Variants in FBXL19 observed in about 807,000 individuals in gnomAD.
FBXL19 encodes the protein F-box and leucine rich repeat protein 19.
A neutral mutation model predicts 71.2 loss-of-function variants in FBXL19; 16 were observed. The ratio of observed to expected loss-of-function variants is 0.22; its 90% CI spans 0.15 to 0.34. The LOEUF (loss-of-function observed/expected upper bound fraction) is 0.34. FBXL19 is among the 10% of genes least tolerant of loss of function. The probability of loss-of-function intolerance (pLI) is 1.00; values close to 1 mark genes in which losing one functional copy is unlikely to be tolerated. For synonymous variants in FBXL19, 447 were observed against 409.4 expected (o/e 1.09, Z -1.11); for missense variants, 658 against 968.2 (o/e 0.68, Z 4.25).
chr16:30,935,256 G>A (rs1030191744), intron 7 of FBXL19, among the ~76,000 whole-genome samples: 17 of 152,144 alleles, frequency 1.1e-4, no homozygotes, highest in African/African-American at 3.9e-4. Context: ...GGCACCTGGC[G>A]GACAGTGGGC....
Position 30,946,197 on chromosome 16 carries a change from TTTTA to T in FBXL19, c.1628-513_1628-510del, listed in dbSNP as rs756430489. 2.0e-5 allele frequency among the ~76,000 whole-genome samples: 3 copies of T among 151,916 alleles called. No individual in the cohort carries two copies. The highest frequency in any genetic ancestry group is 2.9e-5 in the Non-Finnish European group (2 of 67,980). On this transcript the variant is annotated intron_variant, in intron 9 of 10. Coordinates refer to ENST00000338343, the MANE Select transcript of FBXL19 (RefSeq NM_001382779.1). The surrounding 1 kb of genome is among the most constrained non-coding windows in gnomAD (Gnocchi z 6.7). ...AGAGAGGAGGGGAGGTCACAGACTC[TTTTA>T]TTTATTTATTTATTTATTTTGAGAT... is the stretch of plus-strand genomic sequence containing the variant.
chr16:30,939,515 G>C (rs556693197), intron 7 of FBXL19, among the ~76,000 whole-genome samples: 2 of 148,950 alleles, frequency 1.3e-5, no homozygotes, highest in Admixed American at 6.7e-5. Flanking sequence ...CCAGATTCAC[G>C]CCATTCTCCT....
chr16:30,936,388 T>TGGTA (rs2055732814), intron 7 of FBXL19, among the ~76,000 whole-genome samples: 1 of 151,786 alleles, frequency 6.6e-6, no homozygotes, highest in Non-Finnish European at 1.5e-5. Context: ...ACCTACCACT[T>TGGTA]GGTAGTTGTG....
chr16:30,941,426 G>A (rs1321633673), intron 7 of FBXL19, among the ~76,000 whole-genome samples: 1 of 152,196 alleles, frequency 6.6e-6, no homozygotes, highest in African/African-American at 2.4e-5. Context: ...GCTGCGGTGA[G>A]CCTGAGTCCA....
At position 30,930,366 on chromosome 16, in the gene FBXL19, A is replaced by G. The variant is rs766443321; in HGVS notation, c.1083A>G (p.Leu361=). Residue 361 remains leucine, a synonymous_variant, in exon 7 of 11, where the codon CTA becomes CTG. Transcript: ENST00000338343. The surrounding 1 kb of genome is among the most constrained non-coding windows in gnomAD (Gnocchi z 8.5). ...TGCGCCCTGGCAGTGGGGGGCCCCTACTCAGCTGGCCCCTGGGCCCAGCCC... is the reference window on the plus strand; with the variant it reads ...TGCGCCCTGGCAGTGGGGGGCCCCTGCTCAGCTGGCCCCTGGGCCCAGCCC... ...RAVRPGSGGP[L]LSWPLGPAPP... 1.3e-5 allele frequency: 21 copies of G among 1,561,858 alleles called. No individual in the cohort carries two copies. In the East Asian group the frequency reaches 4.4e-4, roughly 33 times the overall value.
In FBXL19 at chr16:30,930,432, GC is replaced by G; in HGVS notation, c.1154del (p.Pro385ArgfsTer62). ...CACAGCTGGAGCGGCACGTGGTGCG[GC>G]CCCCGCCTCGAAGCCCTGAGCCCGA... ...PPQLERHVVRPPPRSPEPDTL... is the reference protein window; with the variant it reads ...PPQLERHVVRXPPRSPEPDTL... On this transcript the variant is annotated frameshift_variant, in exon 7 of 11. Coordinates refer to ENST00000338343, the MANE Select transcript of FBXL19 (RefSeq NM_001382779.1). LOFTEE classifies it high-confidence loss of function. This position sits in a 1 kb window ranked among gnomAD's most constrained non-coding sequence, Gnocchi z 8.5. 2.0e-6 allele frequency: 3 copies of G among 1,524,678 alleles called. No individual in the cohort carries two copies. Among genetic ancestry groups the G allele is most frequent in the South Asian group, 1.2e-5 (1 of 82,300 alleles). 94.4% of individuals were successfully genotyped at this position (1,524,678 alleles called of 1,614,324 possible).
intron 7 of FBXL19, among the ~76,000 whole-genome samples, chr16:30,931,447 C>T (rs1302859151): frequency 1.3e-5 from 2 of 152,168 alleles, no homozygotes; most frequent in African/African-American, 2.4e-5. Flanking sequence ...TTGCAGTAAA[C>T]GAGGCTATCA....
rs1296951661 is a variant in FBXL19 at position 30,928,588 on chromosome 16, T to C, written c.749T>C (p.Phe250Ser). The C allele has an allele frequency of 1.2e-6, 2 of 1,604,202 alleles. No individual in the cohort carries two copies. Among genetic ancestry groups the C allele is most frequent in the Admixed American group, 3.4e-5 (2 of 59,012 alleles). ...AGGGTTCTGAATCCGAGCCAGGCTTTCTCATCCTGCCACCCTGGGCTCCCT... is the reference window on the plus strand; with the variant it reads ...AGGGTTCTGAATCCGAGCCAGGCTTCCTCATCCTGCCACCCTGGGCTCCCT... ...PPRVLNPSQAFSSCHPGLPPE... is the reference protein window; with the variant it reads ...PPRVLNPSQASSSCHPGLPPE... The change falls in exon 6 of 11, where the codon TTC becomes TCC. Residue 250 changes from phenylalanine (F) to serine (S), a missense_variant. Transcript: ENST00000338343.
Position 30,942,264 on chromosome 16 carries a change from C to T in FBXL19, c.1450C>T (p.Leu484=), listed in dbSNP as rs2055810598. The T allele has an allele frequency of 6.3e-7, 1 of 1,599,248 alleles. No individual in the cohort carries two copies. Among genetic ancestry groups the T allele is most frequent in the South Asian group, 1.1e-5 (1 of 88,628 alleles). ...GVSKKQLMWL[L]NRLQGLQELV... ...CTCCAAGAAGCAGCTCATGTGGCTT[C>T]TGAACCGACTACAAGGTAGGGTGTG... The change falls in exon 8 of 11, where the codon CTG becomes TTG. Residue 484 remains leucine (L), a synonymous_variant. Transcript: ENST00000338343. This position sits in a 1 kb window ranked among gnomAD's most constrained non-coding sequence, Gnocchi z 5.7.
intron 7 of FBXL19, among the ~76,000 whole-genome samples, chr16:30,940,774 C>G (rs1290712354): frequency 6.6e-6 from 1 of 152,104 alleles, no homozygotes; most frequent in Non-Finnish European, 1.5e-5. Flanking sequence ...TCAAGTAATT[C>G]TCCTGCCTCA....
chr16:30,936,037 G>A (rs1014044958), intron 7 of FBXL19, among the ~76,000 whole-genome samples: 2 of 152,160 alleles, frequency 1.3e-5, no homozygotes, highest in Non-Finnish European at 2.9e-5. Context: ...CCTACCGACT[G>A]CACCAACCAC....
rs2143300526 is a variant in FBXL19, at chr16:30,924,829, CT to C, written c.-25+371del. The C allele has an allele frequency of 1.9e-5, 25 of 1,322,478 alleles. No individual in the cohort carries two copies. The South Asian group carries it at 4.6e-4, about 24-fold the overall frequency. 81.9% of individuals were successfully genotyped at this position (1,322,478 alleles called of 1,614,324 possible). A position where few individuals can be genotyped will look rare whatever the true frequency, so the allele number is the denominator to read the frequency against. On this transcript the variant is annotated intron_variant, in intron 1 of 10. Coordinates refer to ENST00000338343, the MANE Select transcript of FBXL19 (RefSeq NM_001382779.1). ...AATTCCACATGGGATCTTGGAGGAT[CT>C]GGTTTCCATGGGAGGGGGAGCCCAA...
At chr16:30,937,103 C>T (rs2055747392) in intron 7 of FBXL19, among the ~76,000 whole-genome samples, 1 of 152,038 alleles carries the variant, frequency 6.6e-6, no homozygotes, top group Non-Finnish European at 1.5e-5. Context: ...CTAGGGCTGG[C>T]GTGAGGTTCA....
intron 9 of FBXL19, among the ~76,000 whole-genome samples, chr16:30,944,983 C>G (rs903932783): frequency 1.3e-5 from 2 of 152,172 alleles, no homozygotes; most frequent in African/African-American, 4.8e-5. Context: ...CAGTCATCAT[C>G]TGGTGGGAAG....
rs1160848548 is a variant in FBXL19 at position 30,947,466 on chromosome 16, C to G, written c.*236C>G. On this transcript the variant is annotated 3_prime_UTR_variant, in exon 11 of 11. Coordinates refer to ENST00000338343, the MANE Select transcript of FBXL19 (RefSeq NM_001382779.1). ...CCCTGCTACCTGCTTCATTGTCCAT[C>G]CCCTGGGGGAGTGGGTCAGAGGTAC... 1 of 555,382 alleles carries G rather than the reference C, an allele frequency of 1.8e-6. No individual in the cohort carries two copies. The highest frequency in any genetic ancestry group is 1.9e-5 in the African/African-American group (1 of 52,820). 34.4% of individuals were successfully genotyped at this position (555,382 alleles called of 1,614,324 possible). A position where few individuals can be genotyped will look rare whatever the true frequency, so the allele number is the denominator to read the frequency against.
chr16:30,942,060 T>A lies in FBXL19; in HGVS notation c.1302-56T>A, dbSNP rs1358039401. 3 of 1,464,848 alleles carry A rather than the reference T, an allele frequency of 2.0e-6. No homozygotes were observed. The East Asian group carries it at 7.4e-5, about 36-fold the overall frequency. 90.7% of individuals were successfully genotyped at this position (1,464,848 alleles called of 1,614,324 possible). On this transcript the variant is annotated intron_variant, in intron 7 of 10. Transcript: ENST00000338343. The surrounding 1 kb of genome is among the most constrained non-coding windows in gnomAD (Gnocchi z 5.7). ...CCTTGGAGCTGGGGAGCCTGGGAACTGTGGGCTGCTGAGAGCTGAGGGCTG... is the reference window on the plus strand; with the variant it reads ...CCTTGGAGCTGGGGAGCCTGGGAACAGTGGGCTGCTGAGAGCTGAGGGCTG...
intron 7 of FBXL19, among the ~76,000 whole-genome samples, chr16:30,936,601 CTTTT>C (rs547272418): frequency 8.5e-6 from 1 of 118,172 alleles, no homozygotes; most frequent in Non-Finnish European, 1.7e-5. Context: ...AATTTTTTTT[CTTTT>C]TTTTTTTTTT....
chr16:30,931,330 T>A (rs1292758807), intron 7 of FBXL19, among the ~76,000 whole-genome samples: 1 of 152,196 alleles, frequency 6.6e-6, no homozygotes, highest in Non-Finnish European at 1.5e-5. Context: ...ATTCATTTAC[T>A]CATTTCATGT....
chr16:30,929,278 G>C (rs1410133062), intron 6 of FBXL19, among the ~76,000 whole-genome samples: 1 of 152,192 alleles, frequency 6.6e-6, no homozygotes, highest in Non-Finnish European at 1.5e-5. Flanking sequence ...CCTCATGTCT[G>C]AAAAGAGTGG....
Sources: gnomAD v4.1 joint callset for allele counts (sites outside exome capture counted in the v4.1 genomes callset) on GRCh38, gnomAD v4.1.1 for gene constraint, Gnocchi (gnomAD v3.1) non-coding constraint, MANE v1.5 for transcripts, NCBI Gene and HGNC (gene_info 2026-07-23, HGNC 2026-07-21) for gene names.